FBXW4: variants seen among roughly 807,000 people sequenced by gnomAD.
FBXW4 encodes F-box/WD repeat-containing protein 4.
Under a neutral mutation model 61.8 loss-of-function variants are expected in FBXW4, and 40 were observed. The ratio of observed to expected loss-of-function variants is 0.65; its 90% CI spans 0.50 to 0.84. The LOEUF (loss-of-function observed/expected upper bound fraction) is 0.84, where lower values mean the gene tolerates loss of function less well. Ranked by LOEUF, FBXW4 falls within the 40% of genes least tolerant of loss-of-function variation. FBXW4 has a pLI of 0.00. For synonymous variants in FBXW4, 311 were observed against 313.8 expected (o/e 0.99, Z 0.10); for missense variants, 672 against 753.8 (o/e 0.89, Z 1.27).
In FBXW4 at chr10:101,655,045, G is replaced by T. The variant is rs115003883; in HGVS notation, c.1235+12841C>A. On this transcript the variant is annotated intron_variant, in intron 5 of 8. Transcript: ENST00000331272. Reference sequence around the variant, plus strand: ...GGGTCTCACTCTGTTGCCCAAGCTGGTCTTGAGCTCTTGGGTTCAAGTGAA... The same window carrying T: ...GGGTCTCACTCTGTTGCCCAAGCTGTTCTTGAGCTCTTGGGTTCAAGTGAA... 4.2e-3 allele frequency among the ~76,000 whole-genome samples: 643 copies of T among 152,266 alleles called. 3 individuals carry two copies. The highest frequency in any genetic ancestry group is 0.015 in the African/African-American group (612 of 41,534).
chr10:101,650,990 G>A (rs191288531), intron 5 of FBXW4, among the ~76,000 whole-genome samples: 19 of 152,320 alleles, frequency 1.2e-4, no homozygotes, highest in African/African-American at 4.6e-4. Flanking sequence ...TCCCGCCTGG[G>A]CCCTGAGTTC....
Position 101,611,774 on chromosome 10 carries a change from C to G in FBXW4, c.1443-5G>C. ...TCCCACTCCATGACACATTTCCTGT[C>G]CAGGAAGAGGAGAAGCAGAGGGAGG... On this transcript the variant is annotated splice_region_variant and splice_polypyrimidine_tract_variant and intron_variant, in intron 7 of 8. Coordinates refer to ENST00000331272, the MANE Select transcript of FBXW4 (RefSeq NM_022039.4). The surrounding 1 kb of genome is among the most constrained non-coding windows in gnomAD (Gnocchi z 4.9). 6.2e-6 allele frequency: 10 copies of G among 1,611,280 alleles called. No individual in the cohort carries two copies. The highest frequency in any genetic ancestry group is 8.5e-6 in the Non-Finnish European group (10 of 1,177,934).
chr10:101,645,245 C>G (rs552289612), intron 5 of FBXW4, among the ~76,000 whole-genome samples: 5 of 152,210 alleles, frequency 3.3e-5, no homozygotes, highest in Non-Finnish European at 7.3e-5. Flanking sequence ...GACACCCCTG[C>G]GGCATGGAAC....
chr10:101,630,708 G>A (rs2063946480), intron 5 of FBXW4, among the ~76,000 whole-genome samples: 1 of 152,222 alleles, frequency 6.6e-6, no homozygotes, highest in African/African-American at 2.4e-5. Flanking sequence ...TCAGGAAGGG[G>A]AAAGACACAG....
chr10:101,670,054 C>A (rs370172283), intron 4 of FBXW4, among the ~76,000 whole-genome samples: 1 of 151,986 alleles, frequency 6.6e-6, no homozygotes. Context: ...CGCGCCCGGC[C>A]GGGAGTGGAC....
intron 1 of FBXW4, among the ~76,000 whole-genome samples, chr10:101,689,250 T>C (rs969410433): frequency 7.9e-5 from 12 of 152,204 alleles, no homozygotes; most frequent in African/African-American, 2.9e-4. Context: ...GGTTTCTCCA[T>C]GTTTCTGCCT....
intron 4 of FBXW4, among the ~76,000 whole-genome samples, chr10:101,670,882 G>A (rs2064352265): frequency 6.6e-6 from 1 of 152,132 alleles, no homozygotes; most frequent in Non-Finnish European, 1.5e-5. Context: ...GAAGGAAGAG[G>A]GTTCTTTGGA....
chr10:101,666,670 T>G (rs922811128), intron 5 of FBXW4, among the ~76,000 whole-genome samples: 1 of 151,390 alleles, frequency 6.6e-6, no homozygotes, highest in Non-Finnish European at 1.5e-5. Flanking sequence ...TACAGGAGAG[T>G]CTATGTACTC....
chr10:101,661,592 C>T (rs1362291733), intron 5 of FBXW4, among the ~76,000 whole-genome samples: 1 of 152,124 alleles, frequency 6.6e-6, no homozygotes, highest in East Asian at 1.9e-4. Context: ...TTCCATCTTT[C>T]TCCGGGTGTC....
chr10:101,620,888 A>C (rs1472853728), intron 6 of FBXW4, among the ~76,000 whole-genome samples: 1 of 152,110 alleles, frequency 6.6e-6, no homozygotes, highest in African/African-American at 2.4e-5. Flanking sequence ...CAGTCAAATA[A>C]ATGGTGCCTT....
chr10:101,632,928 G>C (rs1000587346), intron 5 of FBXW4, among the ~76,000 whole-genome samples: 4 of 152,168 alleles, frequency 2.6e-5, no homozygotes. Flanking sequence ...TGTCTGCCTA[G>C]AAAATCCAAA....
chr10:101,666,708 G>A (rs2064303727), intron 5 of FBXW4, among the ~76,000 whole-genome samples: 1 of 152,100 alleles, frequency 6.6e-6, no homozygotes, highest in South Asian at 2.1e-4. Context: ...ATTCTGTCTT[G>A]GTTCCAGAGA....
chr10:101,622,711 T>C (rs1364961857), intron 6 of FBXW4: 1 of 116,402 alleles, frequency 8.6e-6, no homozygotes, highest in South Asian at 2.6e-4. Flanking sequence ...CTGGGCGACA[T>C]AGTGAGACTT....
chr10:101,654,454 A>T (rs1379891690), intron 5 of FBXW4, among the ~76,000 whole-genome samples: 4 of 152,162 alleles, frequency 2.6e-5, no homozygotes, highest in Admixed American at 2.6e-4. Context: ...CCTTAATTTT[A>T]AAAATTATGT....
intron 1 of FBXW4, among the ~76,000 whole-genome samples, chr10:101,688,538 G>C (rs1480621530): frequency 6.6e-6 from 1 of 152,200 alleles, no homozygotes; most frequent in East Asian, 1.9e-4. Flanking sequence ...TCTCCAGATA[G>C]TCTCATACTC....
At chr10:101,677,440 G>A (rs1189995228) in intron 1 of FBXW4, among the ~76,000 whole-genome samples, 1 of 152,174 alleles carries the variant, frequency 6.6e-6, no homozygotes, top group Non-Finnish European at 1.5e-5. Context: ...CGTAGTGTAT[G>A]ATTTCATTTA....
Position 101,694,278 on chromosome 10 carries a change from GGGTGC to G in FBXW4, c.725+98_725+102del, listed in dbSNP as rs1337844659. The G allele has an allele frequency of 8.9e-7, 1 of 1,124,544 alleles. No individual in the cohort carries two copies. The highest frequency in any genetic ancestry group is 1.2e-6 in the Non-Finnish European group (1 of 865,676). 69.7% of individuals were successfully genotyped at this position (1,124,544 alleles called of 1,614,324 possible). ...GGTCAGGTGTAGGCCTAGAAACTCG[GGGTGC>G]GACACGACCCTGGGCCGACCAGGCC... On this transcript the variant is annotated intron_variant, in intron 1 of 8. Transcript: ENST00000331272. This position sits in a 1 kb window ranked among gnomAD's most constrained non-coding sequence, Gnocchi z 6.0.
intron 6 of FBXW4, among the ~76,000 whole-genome samples, chr10:101,615,782 G>T (rs546841483): frequency 1.3e-5 from 2 of 152,246 alleles, no homozygotes; most frequent in South Asian, 4.1e-4. Context: ...TGGATAGCCC[G>T]CCAGGGACAG....
intron 5 of FBXW4, among the ~76,000 whole-genome samples, chr10:101,636,050 A>G (rs976591976): frequency 6.6e-6 from 1 of 152,116 alleles, no homozygotes; most frequent in Non-Finnish European, 1.5e-5. Flanking sequence ...TTAAGCCTCT[A>G]GTAAGAATTG....
Sources: allele counts gnomAD v4.1 joint callset (sites outside exome capture counted in the v4.1 genomes callset), GRCh38; gene constraint gnomAD v4.1.1; non-coding constraint Gnocchi (gnomAD v3.1); transcripts MANE v1.5; gene names NCBI Gene and HGNC (gene_info 2026-07-23, HGNC 2026-07-21).